A1CF: variants seen among roughly 807,000 people sequenced by gnomAD.
A1CF encodes APOBEC-1 stimulating protein.
A neutral mutation model predicts 68.9 loss-of-function variants in A1CF; 48 were observed. The observed-to-expected ratio is 0.70, with a 90% CI of 0.55 to 0.89. The LOEUF (loss-of-function observed/expected upper bound fraction) is 0.89, where lower values mean the gene tolerates loss of function less well. Among genes scored for constraint, A1CF ranks in the 40% least tolerant of loss-of-function variants. The pLI is 0.00. For synonymous variants in A1CF, 272 were observed against 260.4 expected (o/e 1.04, Z -0.43); for missense variants, 653 against 718.9 (o/e 0.91, Z 1.05).
At chr10:50,840,511 C>T (rs1839725651) in intron 5 of A1CF, among the ~76,000 whole-genome samples, 1 of 152,150 alleles carries the variant, frequency 6.6e-6, no homozygotes, top group South Asian at 2.1e-4. Flanking sequence ...TGGCTCAGGG[C>T]TTCCTTTAAG....
At position 50,815,985 on chromosome 10, in the gene A1CF, G is replaced by A. The variant is rs767862807; in HGVS notation, c.1141+21C>T. On this transcript the variant is annotated intron_variant, in intron 9 of 12. Coordinates refer to ENST00000373997, the MANE Select transcript of A1CF (RefSeq NM_014576.4). The stretch of plus-strand genomic sequence containing the variant: ...TTTGAAATCTTGGGATTACTCTAAA[G>A]CAAGATCTGACTGGTGTTACCTCTA... 1.7e-5 allele frequency: 28 copies of A among 1,610,636 alleles called. No individual in the cohort carries two copies. In the South Asian group the frequency reaches 2.9e-4, roughly 16 times the overall value.
At position 50,836,060 on chromosome 10, in the gene A1CF, A is replaced by T. The variant is rs780142489; in HGVS notation, c.604+14T>A. On this transcript the variant is annotated intron_variant, in intron 6 of 12. Coordinates refer to ENST00000373997, the MANE Select transcript of A1CF (RefSeq NM_014576.4). ...AGGCAGAGAAGTCTCATCTTTGAGG[A>T]GGGGATTGCTAACCTGGTAGCAGTT... is the stretch of plus-strand genomic sequence containing the variant. The T allele has an allele frequency of 2.5e-6, 4 of 1,580,510 alleles. No homozygotes were observed. Among genetic ancestry groups the T allele is most frequent in the Non-Finnish European group, 2.6e-6 (3 of 1,162,910 alleles).
At chr10:50,848,562 C>A (rs1355003431) in intron 3 of A1CF, among the ~76,000 whole-genome samples, 1 of 151,988 alleles carries the variant, frequency 6.6e-6, no homozygotes, top group Non-Finnish European at 1.5e-5. Flanking sequence ...ATTAATGAAC[C>A]CTCATTCAGC....
intron 1 of A1CF, among the ~76,000 whole-genome samples, chr10:50,876,055 T>C (rs1841497916): frequency 6.6e-6 from 1 of 152,230 alleles, no homozygotes. Flanking sequence ...GGCGCCTTTG[T>C]CCTTGTTTCC....
chr10:50,830,193 C>T (rs1303873823), intron 6 of A1CF, among the ~76,000 whole-genome samples: 3 of 151,934 alleles, frequency 2.0e-5, no homozygotes, highest in African/African-American at 7.2e-5. Context: ...TACCTCTGCC[C>T]CCAGCCCTGG....
chr10:50,871,863 G>T (rs564923611), intron 1 of A1CF, among the ~76,000 whole-genome samples: 10 of 151,972 alleles, frequency 6.6e-5, no homozygotes, highest in Non-Finnish European at 1.5e-4. Context: ...TGGTACAGAA[G>T]GTCTTCTAAA....
At chr10:50,855,452 A>G (rs1452004545) in intron 3 of A1CF, among the ~76,000 whole-genome samples, 5 of 151,882 alleles carry the variant, frequency 3.3e-5, no homozygotes, top group Admixed American at 6.6e-5. Flanking sequence ...ATATTATACA[A>G]TTTTCAACAA....
At chr10:50,866,760 G>A (rs12245610) in intron 1 of A1CF, among the ~76,000 whole-genome samples, 1,684 of 152,316 alleles carry the variant, frequency 0.011, 40 homozygotes, top group African/African-American at 0.037. Flanking sequence ...TTTTAAGTGA[G>A]ATTTGTTATC....
chr10:50,848,760 C>A (rs1840108232), intron 3 of A1CF, among the ~76,000 whole-genome samples: 1 of 151,984 alleles, frequency 6.6e-6, no homozygotes, highest in African/African-American at 2.4e-5. Flanking sequence ...GTACATTTTC[C>A]AATTGACCAG....
chr10:50,878,147 A>G (rs1044952927), intron 1 of A1CF, among the ~76,000 whole-genome samples: 1 of 152,118 alleles, frequency 6.6e-6, no homozygotes, highest in Non-Finnish European at 1.5e-5. Flanking sequence ...AAAAAAAGAG[A>G]AAAACTGCCA....
At position 50,810,043 on chromosome 10, in the gene A1CF, C is replaced by T. The variant is rs2132312763; in HGVS notation, c.1461-1G>A. 1 of 1,613,804 alleles carries T rather than the reference C, an allele frequency of 6.2e-7. No homozygotes were observed. Among genetic ancestry groups the T allele is most frequent in the Non-Finnish European group, 8.5e-7 (1 of 1,179,812 alleles). On this transcript the variant is annotated splice_acceptor_variant, in intron 11 of 12. Transcript: ENST00000373997. LOFTEE classifies it high-confidence loss of function. ...CAGCTTTGGAGGTGTGAAAGGGTGG[C>T]TGGAAAGCAAGTCAGTCAGGGTAGG... is the stretch of plus-strand genomic sequence containing the variant.
In A1CF at chr10:50,802,282, C is replaced by T. The variant is rs1324542857; in HGVS notation, c.*4447G>A. On this transcript the variant is annotated 3_prime_UTR_variant, in exon 13 of 13. Coordinates refer to ENST00000373997, the MANE Select transcript of A1CF (RefSeq NM_014576.4). ...ATTTTCAAGATATTATTTGGGCAAACTAAAATTTCAAAATCAAATTTGACA... is the reference window on the plus strand; with the variant it reads ...ATTTTCAAGATATTATTTGGGCAAATTAAAATTTCAAAATCAAATTTGACA... 6.6e-6 allele frequency: 1 copy of T among 152,066 alleles called. No homozygotes were observed. The highest frequency in any genetic ancestry group is 1.5e-5 in the Non-Finnish European group (1 of 67,998). The allele number at this position is 152,066 out of a possible 1,614,324, so 9.4% of individuals were successfully genotyped here.
Position 50,806,968 on chromosome 10 carries a change from T to C in A1CF, c.1610-88A>G, listed in dbSNP as rs940010212. Reference sequence around the variant, plus strand: ...TTGTCTTCTTTTAGAAATACGAACATTTAACATATTGCTTAAAGCTAAAAG... The same window carrying C: ...TTGTCTTCTTTTAGAAATACGAACACTTAACATATTGCTTAAAGCTAAAAG... On this transcript the variant is annotated intron_variant, in intron 12 of 12. Transcript: ENST00000373997. 5 of 1,333,998 alleles carry C rather than the reference T, an allele frequency of 3.7e-6. No individual in the cohort carries two copies. In the African/African-American group the frequency reaches 5.9e-5, roughly 16 times the overall value. 82.6% of individuals were successfully genotyped at this position (1,333,998 alleles called of 1,614,324 possible).
chr10:50,806,671 TC>T lies in A1CF; in HGVS notation c.*57del, dbSNP rs888422713. 2.7e-6 allele frequency: 4 copies of T among 1,464,582 alleles called. No homozygotes were observed. The highest frequency in any genetic ancestry group is 4.5e-5 in the Admixed American group (2 of 43,970). The allele number at this position is 1,464,582 out of a possible 1,614,324, so 90.7% of individuals were successfully genotyped here. On this transcript the variant is annotated 3_prime_UTR_variant, in exon 13 of 13. Coordinates refer to ENST00000373997, the MANE Select transcript of A1CF (RefSeq NM_014576.4). ...TTGGGGACCGAGTTAGAGGTTTATT[TC>T]TTTTTTTTTTTTAATAGAGTTTTGT...
intron 10 of A1CF, 83 bp downstream of exon 10, chr10:50,813,774 G>A: frequency 7.0e-7 from 1 of 1,432,186 alleles, no homozygotes; most frequent in South Asian, 1.2e-5. Flanking sequence ...CTTGAGTAGG[G>A]ATCAAGTCAA....
At chr10:50,826,608 C>T (rs924759568) in intron 7 of A1CF, among the ~76,000 whole-genome samples, 1 of 152,068 alleles carries the variant, frequency 6.6e-6, no homozygotes, top group Non-Finnish European at 1.5e-5. Flanking sequence ...ACCAGGCCTG[C>T]CCTACAAGAA....
At chr10:50,830,387 T>C (rs1839180228) in intron 6 of A1CF, among the ~76,000 whole-genome samples, 1 of 152,160 alleles carries the variant, frequency 6.6e-6, no homozygotes, top group Admixed American at 6.6e-5. Context: ...TAATATTCCA[T>C]TGTAACTAAT....
rs539075515 is a variant in A1CF, at chr10:50,836,308, C to T, written c.370G>A (p.Gly124Arg). The change falls in exon 6 of 13, where the codon GGG (glycine) becomes AGG (arginine). Residue 124 changes from glycine to arginine, a missense_variant. Physicochemically the swap from Gly to Arg is moderately radical, Grantham distance 125. Coordinates refer to ENST00000373997, the MANE Select transcript of A1CF (RefSeq NM_014576.4). ...CTGGCACAAACCCCTAAGAGGCGCCCATTTCTGCAAAAAGAGCAGGGATTT... is the reference window on the plus strand; with the variant it reads ...CTGGCACAAACCCCTAAGAGGCGCCTATTTCTGCAAAAAGAGCAGGGATTT... The part of the protein sequence containing the change: ...KQLNNYEIRN[G>R]RLLGVCASVD... 6.2e-7 allele frequency: 1 copy of T among 1,606,364 alleles called. No individual in the cohort carries two copies. The highest frequency in any genetic ancestry group is 2.2e-5 in the East Asian group (1 of 44,810).
At chr10:50,862,119 A>T (rs1007056067) in intron 2 of A1CF, among the ~76,000 whole-genome samples, 2 of 151,988 alleles carry the variant, frequency 1.3e-5, no homozygotes, top group South Asian at 4.2e-4. Flanking sequence ...TAATCCCAGC[A>T]CTTTGGGAGG....
Sources: gnomAD v4.1 joint callset for allele counts (sites outside exome capture counted in the v4.1 genomes callset) on GRCh38, gnomAD v4.1.1 for gene constraint, MANE v1.5 for transcripts, NCBI Gene and HGNC (gene_info 2026-07-23, HGNC 2026-07-21) for gene names.